PCDH9: variants seen among roughly 807,000 people sequenced by gnomAD.
PCDH9 encodes the protein protocadherin 9.
PCDH9 carries 24 observed loss-of-function variants against 70.6 expected under a neutral mutation model. The ratio of observed to expected loss-of-function variants is 0.34; its 90% CI spans 0.25 to 0.48. The LOEUF is 0.48. Ranked by LOEUF, PCDH9 falls within the 20% of genes least tolerant of loss-of-function variation. The pLI, the probability that PCDH9 is intolerant of heterozygous loss-of-function variation, is 0.99. For synonymous variants in PCDH9, 562 were observed against 558.5 expected, an observed-to-expected ratio of 1.01 and a Z score of -0.09; for missense variants, 1,281 against 1,503.6, an observed-to-expected ratio of 0.85 and a Z score of 2.45.
intron 3 of PCDH9, among the ~76,000 whole-genome samples, chr13:66,852,345 C>T (rs2081327834): frequency 6.6e-6 from 1 of 152,092 alleles, no homozygotes; most frequent in Non-Finnish European, 1.5e-5. Flanking sequence ...TAATCATTTT[C>T]CCTCTCAATC....
At chr13:66,971,637 A>G (rs1320079266) in intron 2 of PCDH9, among the ~76,000 whole-genome samples, 1 of 151,966 alleles carries the variant, frequency 6.6e-6, no homozygotes, top group Non-Finnish European at 1.5e-5. Flanking sequence ...AATCTATTCA[A>G]TGACTGCAAA....
chr13:66,620,801 TA>T (rs2138899686), intron 4 of PCDH9, among the ~76,000 whole-genome samples: 1 of 152,238 alleles, frequency 6.6e-6, no homozygotes, highest in East Asian at 1.9e-4. Flanking sequence ...CACAAATTCC[TA>T]AAAATCTACT....
Position 66,331,368 on chromosome 13 carries a change from T to C in PCDH9, c.3341-26340A>G, listed in dbSNP as rs976764451. Among the ~76,000 whole-genome samples the C allele has an allele frequency of 2.0e-5, 3 of 152,162 alleles. No homozygotes were observed. The East Asian group carries it at 5.8e-4, about 29-fold the overall frequency. On this transcript the variant is annotated intron_variant, in intron 4 of 4. Coordinates refer to ENST00000377865, the MANE Select transcript of PCDH9 (RefSeq NM_203487.3). The stretch of plus-strand genomic sequence containing the variant: ...TGGCCAACACATACTGAAATATTAT[T>C]ATGGGAGCCCTCTGGCCCCGAACTT...
At chr13:67,172,555 C>T (rs2088318903) in intron 2 of PCDH9, among the ~76,000 whole-genome samples, 1 of 152,076 alleles carries the variant, frequency 6.6e-6, no homozygotes, top group Admixed American at 6.6e-5. Flanking sequence ...AGGGGCTCAA[C>T]TTCAAAGGGC....
chr13:66,863,720 CGTGATCTGCCCAAA>C (rs2081523326), intron 3 of PCDH9, among the ~76,000 whole-genome samples: 1 of 152,058 alleles, frequency 6.6e-6, no homozygotes. Flanking sequence ...CTCCCGACCT[CGTGATCTGCCCAAA>C]GTGATCTGCC....
intron 3 of PCDH9, among the ~76,000 whole-genome samples, chr13:66,665,108 C>CT (rs11390832): frequency 0.56 from 81,699 of 147,148 alleles, 22,836 homozygotes; most frequent in African/African-American, 0.62. Context: ...TCTTTTCTCT[C>CT]CTTTTTTTTT....
intron 2 of PCDH9, among the ~76,000 whole-genome samples, chr13:66,935,654 C>G (rs1049023443): frequency 6.6e-6 from 1 of 151,930 alleles, no homozygotes; most frequent in Non-Finnish European, 1.5e-5. Context: ...TAGACCTTAA[C>G]AGAGAAATCA....
At chr13:67,214,893 A>C (rs563091494) in intron 2 of PCDH9, 1 of 133,004 alleles carries the variant, frequency 7.5e-6, no homozygotes, top group African/African-American at 2.7e-5. Context: ...AGGAGGTAGA[A>C]AAACAGGTAA....
At chr13:66,444,152 T>C (rs1386604028) in intron 4 of PCDH9, among the ~76,000 whole-genome samples, 3 of 152,172 alleles carry the variant, frequency 2.0e-5, no homozygotes, top group Non-Finnish European at 4.4e-5. Flanking sequence ...ACATTAAGAA[T>C]TAATATTTAC....
chr13:66,327,550 AG>A (rs1955869478), intron 4 of PCDH9, among the ~76,000 whole-genome samples: 3 of 152,186 alleles, frequency 2.0e-5, no homozygotes, highest in South Asian at 2.1e-4. Flanking sequence ...AACAAAAATA[AG>A]CACTATGTAA....
intron 2 of PCDH9, among the ~76,000 whole-genome samples, chr13:66,939,919 T>C (rs2082981137): frequency 6.6e-6 from 1 of 152,202 alleles, no homozygotes; most frequent in Non-Finnish European, 1.5e-5. Context: ...AAATACTTAG[T>C]TCTTCAATTT....
intron 2 of PCDH9, among the ~76,000 whole-genome samples, chr13:67,189,994 G>A (rs1470427597): frequency 1.3e-5 from 2 of 152,070 alleles, no homozygotes; most frequent in East Asian, 1.9e-4. Context: ...GTCTACCAAA[G>A]GCACATCAAA....
chr13:67,181,385 T>A (rs1362088619), intron 2 of PCDH9, among the ~76,000 whole-genome samples: 1 of 152,122 alleles, frequency 6.6e-6, no homozygotes, highest in African/African-American at 2.4e-5. Flanking sequence ...TCATAAGCCG[T>A]AGAGGAAATT....
At chr13:66,801,534 T>G (rs2139340796) in intron 3 of PCDH9, among the ~76,000 whole-genome samples, 1 of 152,220 alleles carries the variant, frequency 6.6e-6, no homozygotes, top group Non-Finnish European at 1.5e-5. Context: ...TGAATTACTC[T>G]TTGTAGTCAA....
intron 4 of PCDH9, among the ~76,000 whole-genome samples, chr13:66,379,939 A>G (rs1390049833): frequency 6.6e-6 from 1 of 152,158 alleles, no homozygotes; most frequent in Non-Finnish European, 1.5e-5. Context: ...AAACAAACAA[A>G]CAAATAAAAC....
intron 3 of PCDH9, among the ~76,000 whole-genome samples, chr13:66,769,054 AT>A (rs2079762444): frequency 6.6e-6 from 1 of 152,058 alleles, no homozygotes. Context: ...TTTGCATTTA[AT>A]TTTCATGGAG....
intron 2 of PCDH9, among the ~76,000 whole-genome samples, chr13:67,129,494 C>A (rs2087057271): frequency 6.6e-6 from 1 of 151,884 alleles, no homozygotes; most frequent in South Asian, 2.1e-4. Flanking sequence ...GATTTTTGGG[C>A]CTTTTTGTAC....
At chr13:67,053,774 T>C (rs2085367284) in intron 2 of PCDH9, among the ~76,000 whole-genome samples, 1 of 152,218 alleles carries the variant, frequency 6.6e-6, no homozygotes, top group East Asian at 1.9e-4. Context: ...AATTTCAGTA[T>C]TTATCCAGGC....
intron 2 of PCDH9, among the ~76,000 whole-genome samples, chr13:67,059,369 T>TATATATATATATTATATATATATA: frequency 1.6e-5 from 2 of 121,836 alleles, no homozygotes; most frequent in African/African-American, 3.0e-5. Flanking sequence ...ATATATAGTG[T>TATATATATATATTATATATATATA]GTATATATAT....
Sources: allele counts gnomAD v4.1 joint callset (sites outside exome capture counted in the v4.1 genomes callset), GRCh38; gene constraint gnomAD v4.1.1; transcripts MANE v1.5; gene names NCBI Gene and HGNC (gene_info 2026-07-23, HGNC 2026-07-21).